Variants in OTUD7A observed in about 807,000 individuals in gnomAD.
The protein encoded by OTUD7A is OTU deubiquitinase 7A.
OTUD7A carries 12 observed loss-of-function variants against 65.7 expected under a neutral mutation model. That is an observed-to-expected ratio of 0.18 (90% CI 0.12 to 0.30). The LOEUF is 0.30. OTUD7A is among the 10% of genes least tolerant of loss of function. The pLI, the probability that OTUD7A is intolerant of heterozygous loss-of-function variation, is 1.00. For synonymous variants in OTUD7A, 641 were observed against 586.3 expected, an observed-to-expected ratio of 1.09 and a Z score of -1.35; for missense variants, 1,148 against 1,304.8, an observed-to-expected ratio of 0.88 and a Z score of 1.85.
chr15:31,497,302 T>C (rs573008934), intron 10 of OTUD7A, among the ~76,000 whole-genome samples: 7 of 151,912 alleles, frequency 4.6e-5, no homozygotes, highest in Non-Finnish European at 7.4e-5. Flanking sequence ...CAGGTTGGAG[T>C]GCAGTGACGC....
rs1211109043 is a variant in OTUD7A, at chr15:31,483,151, G to A, written c.*143C>T. ...TCAGTGTAGGTTCAGGCACCATTAG[G>A]AACGTTTGACCAAACACGTACACGG... On this transcript the variant is annotated 3_prime_UTR_variant, in exon 13 of 13. Transcript: ENST00000307050. 3 of 795,968 alleles carry A rather than the reference G, an allele frequency of 3.8e-6. No individual in the cohort carries two copies. The highest frequency in any genetic ancestry group is 1.9e-5 in the African/African-American group (1 of 53,498). The allele number at this position is 795,968 out of a possible 1,614,324, so 49.3% of individuals were successfully genotyped here. A position where few individuals can be genotyped will look rare whatever the true frequency, so the allele number is the denominator to read the frequency against.
At chr15:31,636,626 A>G (rs1156270387) in intron 3 of OTUD7A, among the ~76,000 whole-genome samples, 3 of 152,204 alleles carry the variant, frequency 2.0e-5, no homozygotes, top group African/African-American at 7.2e-5. Flanking sequence ...GGCATTTTAA[A>G]AGCTAAGATG....
intron 1 of OTUD7A, among the ~76,000 whole-genome samples, chr15:31,781,354 G>A (rs2140926312): frequency 1.3e-5 from 2 of 152,234 alleles, no homozygotes; most frequent in Admixed American, 1.3e-4. Context: ...CCATCTTTGA[G>A]TCATCCAGAC....
At chr15:31,838,212 A>G (rs1278275749) in intron 1 of OTUD7A, among the ~76,000 whole-genome samples, 1 of 152,266 alleles carries the variant, frequency 6.6e-6, no homozygotes, top group Non-Finnish European at 1.5e-5. Flanking sequence ...GCACTACATG[A>G]AAAGGTCTTA....
chr15:31,870,317 C>T (rs1469145412), intron 1 of OTUD7A, among the ~76,000 whole-genome samples, 190 bp downstream of exon 1: 1 of 146,946 alleles, frequency 6.8e-6, no homozygotes, highest in Non-Finnish European at 1.5e-5. Flanking sequence ...GCCGGCGAGC[C>T]CAGCCGGGGC....
At chr15:31,609,748 C>T (rs368906909) in intron 3 of OTUD7A, among the ~76,000 whole-genome samples, 5 of 152,188 alleles carry the variant, frequency 3.3e-5, no homozygotes, top group African/African-American at 7.2e-5. Flanking sequence ...CGCTACCTCC[C>T]GTCAGGAGGC....
chr15:31,757,592 G>A (rs999357641), intron 1 of OTUD7A, among the ~76,000 whole-genome samples: 4 of 152,010 alleles, frequency 2.6e-5, no homozygotes, highest in African/African-American at 4.8e-5. Context: ...CAGCCGCAAC[G>A]TATTCCCATG....
At chr15:31,525,257 G>GT (rs1444449698) in intron 8 of OTUD7A, among the ~76,000 whole-genome samples, 1 of 152,222 alleles carries the variant, frequency 6.6e-6, no homozygotes, top group Non-Finnish European at 1.5e-5. Flanking sequence ...GTTTTCCACA[G>GT]TCGACTGAGT....
At chr15:31,735,515 C>T (rs543590468) in intron 1 of OTUD7A, among the ~76,000 whole-genome samples, 3 of 137,046 alleles carry the variant, frequency 2.2e-5, no homozygotes, top group Admixed American at 1.6e-4. Context: ...GCCTGGGCAA[C>T]AGAGTGAAAC....
chr15:31,716,898 A>G (rs1189758055), intron 1 of OTUD7A, among the ~76,000 whole-genome samples: 1 of 152,164 alleles, frequency 6.6e-6, no homozygotes, highest in African/African-American at 2.4e-5. Flanking sequence ...ATCCTGCTCG[A>G]TAATGTGGCA....
chr15:31,650,803 A>C (rs1226051040), intron 3 of OTUD7A, among the ~76,000 whole-genome samples: 3 of 139,110 alleles, frequency 2.2e-5, no homozygotes, highest in Non-Finnish European at 3.1e-5. Context: ...TTTGACAAAG[A>C]TTTTCAAGCA....
intron 3 of OTUD7A, among the ~76,000 whole-genome samples, chr15:31,600,556 C>T (rs780896045): frequency 4.6e-5 from 7 of 152,122 alleles, no homozygotes; most frequent in East Asian, 1.9e-4. Context: ...CAGCAACCAA[C>T]GAGCAAAATA....
chr15:31,818,103 G>A (rs1176284953), intron 1 of OTUD7A, among the ~76,000 whole-genome samples: 1 of 152,216 alleles, frequency 6.6e-6, no homozygotes, highest in African/African-American at 2.4e-5. Context: ...GGAGCAGAGA[G>A]CAAGGGTGCA....
chr15:31,793,964 T>C (rs1895885187), intron 1 of OTUD7A, among the ~76,000 whole-genome samples: 1 of 152,266 alleles, frequency 6.6e-6, no homozygotes, highest in Non-Finnish European at 1.5e-5. Flanking sequence ...TTAATTTTGA[T>C]GTGATCAAAT....
At chr15:31,569,603 TCTTA>T (rs966626452) in intron 4 of OTUD7A, among the ~76,000 whole-genome samples, 6 of 152,216 alleles carry the variant, frequency 3.9e-5, no homozygotes, top group Non-Finnish European at 8.8e-5. Context: ...AATAAGCATA[TCTTA>T]CTTTCATAAT....
rs182906293 is a variant in OTUD7A at position 31,600,965 on chromosome 15, T to C, written c.152-30768A>G. Among the ~76,000 whole-genome samples, 938 of 152,166 alleles carry C rather than the reference T, an allele frequency of 6.2e-3. 6 individuals are homozygous for C. Among genetic ancestry groups the C allele is most frequent in the Middle Eastern group, 0.014 (4 of 294 alleles). ...GAGCACTCAGATTCACAAAGCAAGT[T>C]CTTAGAGACCTACAAAGAGACTCAG... On this transcript the variant is annotated intron_variant, in intron 3 of 12. Coordinates refer to ENST00000307050, the MANE Select transcript of OTUD7A (RefSeq NM_001382637.1).
At chr15:31,594,581 G>C (rs1197364376) in intron 3 of OTUD7A, among the ~76,000 whole-genome samples, 1 of 152,198 alleles carries the variant, frequency 6.6e-6, no homozygotes, top group Non-Finnish European at 1.5e-5. Flanking sequence ...TTAGAGAGCT[G>C]GCGTGGGTGG....
intron 5 of OTUD7A, among the ~76,000 whole-genome samples, chr15:31,545,025 T>G (rs1888089581): frequency 6.6e-6 from 1 of 151,944 alleles, no homozygotes; most frequent in Admixed American, 6.6e-5. Context: ...AGCAACATAT[T>G]TCTAAGTAAT....
At chr15:31,840,414 G>C (rs375810881) in intron 1 of OTUD7A, among the ~76,000 whole-genome samples, 3 of 151,498 alleles carry the variant, frequency 2.0e-5, no homozygotes, top group Admixed American at 1.3e-4. Context: ...CTCCAGCCTG[G>C]GCAATACAGC....
Sources: allele counts gnomAD v4.1 joint callset (sites outside exome capture counted in the v4.1 genomes callset), GRCh38; gene constraint gnomAD v4.1.1; transcripts MANE v1.5; gene names NCBI Gene and HGNC (gene_info 2026-07-23, HGNC 2026-07-21).